The following TRAPPC9 variants were observed in gnomAD, a reference collection of about 807,000 sequenced individuals.
TRAPPC9 encodes trafficking protein particle complex subunit 9, also known as IKK2 binding protein.
Under a neutral mutation model 124.0 loss-of-function variants are expected in TRAPPC9, and 83 were observed. That is an observed-to-expected ratio of 0.67 (90% CI 0.56 to 0.80). The LOEUF is 0.80. TRAPPC9 is among the 30% of genes least tolerant of loss of function. The pLI is 0.00. For synonymous variants in TRAPPC9, 638 were observed against 617.5 expected (o/e 1.03, Z -0.49); for missense variants, 1,302 against 1,508.3 (o/e 0.86, Z 2.27).
At position 139,874,269 on chromosome 8, in the gene TRAPPC9, C is replaced by T. The variant is rs567708738; in HGVS notation, c.3055+11610G>A. On this transcript the variant is annotated intron_variant, in intron 21 of 22. Coordinates refer to ENST00000438773, the MANE Select transcript of TRAPPC9 (RefSeq NM_001160372.4). ...AAATCATGTGGAAGAATGACATCTA[C>T]GCCTAGGCTCAAATCTGGCCTTGGA... Among the ~76,000 whole-genome samples the T allele has an allele frequency of 4.6e-5, 7 of 152,370 alleles. No individual in the cohort carries two copies. The South Asian group carries it at 6.2e-4, about 14-fold the overall frequency.
chr8:140,030,466 G>A (rs761316421), intron 17 of TRAPPC9, among the ~76,000 whole-genome samples: 8 of 152,076 alleles, frequency 5.3e-5, no homozygotes, highest in Non-Finnish European at 1.2e-4. Context: ...ATCCTCCTAC[G>A]CTTAAACCTA....
intron 15 of TRAPPC9, chr8:140,262,524 G>C (rs569237521): frequency 3.3e-5 from 5 of 150,908 alleles, no homozygotes; most frequent in African/African-American, 9.9e-5. Context: ...GTATACGGTG[G>C]GGGGGGGCAG....
chr8:139,877,136 C>T (rs576740642), intron 21 of TRAPPC9, among the ~76,000 whole-genome samples: 12 of 152,362 alleles, frequency 7.9e-5, no homozygotes, highest in Non-Finnish European at 8.8e-5. Context: ...TCTGTATTCA[C>T]TGGATGTCTA....
At chr8:140,350,122 G>A (rs1002280201) in intron 9 of TRAPPC9, among the ~76,000 whole-genome samples, 1 of 152,208 alleles carries the variant, frequency 6.6e-6, no homozygotes, top group Admixed American at 6.5e-5. Context: ...AGGAAGACGC[G>A]CCTTTCCAGC....
Position 140,107,001 on chromosome 8 carries a change from G to A in TRAPPC9, c.2557-82922C>T, listed in dbSNP as rs77333681. On this transcript the variant is annotated intron_variant, in intron 17 of 22. Transcript: ENST00000438773. ...AGTTCGGATCCTGAGCTCCATGAGC[G>A]CCAGAAGTCTAAGAACCTCCAGACA... 9.8e-4 allele frequency among the ~76,000 whole-genome samples: 150 copies of A among 152,316 alleles called. 1 individual carries two copies. In the East Asian group the frequency reaches 0.024, roughly 24 times the overall value.
intron 18 of TRAPPC9, among the ~76,000 whole-genome samples, chr8:139,998,725 A>AAAAT (rs571314138): frequency 4.0e-4 from 61 of 152,316 alleles, no homozygotes; most frequent in Non-Finnish European, 7.2e-4. Context: ...CCGTCTCAAA[A>AAAAT]AAATAAATAA....
chr8:140,457,922 GAGGAGGA>G (rs2071751514), upstream of TRAPPC9, among the ~76,000 whole-genome samples: 1 of 140,910 alleles, frequency 7.1e-6, no homozygotes, highest in African/African-American at 2.7e-5. Context: ...GGGGAGGGAG[GAGGAGGA>G]GGGAGGAGGG....
chr8:139,948,949 T>C (rs993110521), intron 19 of TRAPPC9, among the ~76,000 whole-genome samples: 19 of 152,018 alleles, frequency 1.2e-4, no homozygotes, highest in Non-Finnish European at 2.8e-4. Flanking sequence ...GGTGGGCGCC[T>C]GTAATCCCAG....
rs567580943 is a variant in TRAPPC9, at chr8:139,755,321, T to C, written c.3056-23119A>G. Among the ~76,000 whole-genome samples the C allele has an allele frequency of 5.4e-5, 8 of 148,078 alleles. No homozygotes were observed. The South Asian group carries it at 1.7e-3, about 32-fold the overall frequency. ...AGGGATTGGGGATGAGGACAGCAGGTCGCAGGAAGAGCCAGGATTTGGGGT... is the reference window on the plus strand; with the variant it reads ...AGGGATTGGGGATGAGGACAGCAGGCCGCAGGAAGAGCCAGGATTTGGGGT... On this transcript the variant is annotated intron_variant, in intron 21 of 22. Transcript: ENST00000438773.
chr8:140,380,654 C>CAAAAAAAAA (rs563391017), intron 7 of TRAPPC9, among the ~76,000 whole-genome samples: 17 of 48,588 alleles, frequency 3.5e-4, no homozygotes, highest in Non-Finnish European at 6.1e-4. Context: ...GACTCTGTCT[C>CAAAAAAAAA]AAAAAAAAAA....
At chr8:139,866,488 G>A (rs938153827) in intron 21 of TRAPPC9, among the ~76,000 whole-genome samples, 7 of 152,182 alleles carry the variant, frequency 4.6e-5, no homozygotes, top group Non-Finnish European at 1.0e-4. Flanking sequence ...AGGAACCTGT[G>A]GGATCTCTGG....
intron 17 of TRAPPC9, among the ~76,000 whole-genome samples, chr8:140,153,473 C>T (rs1339319327): frequency 6.6e-6 from 1 of 152,090 alleles, no homozygotes; most frequent in East Asian, 1.9e-4. Flanking sequence ...GCTATCAACA[C>T]TCTGTGCACA....
rs188787629 is a variant in TRAPPC9, at chr8:140,217,505, G to A, written c.2556+3954C>T. ...TAACACCAGAAGGGGACACTAGTCA[G>A]GCTCCTTTCCCACGAAAGATTCTAT... is the stretch of plus-strand genomic sequence containing the variant. On this transcript the variant is annotated intron_variant, in intron 17 of 22. Coordinates refer to ENST00000438773, the MANE Select transcript of TRAPPC9 (RefSeq NM_001160372.4). Among the ~76,000 whole-genome samples the A allele has an allele frequency of 2.1e-3, 313 of 152,278 alleles. 1 individual carries two copies. Among genetic ancestry groups the A allele is most frequent in the African/African-American group, 7.3e-3 (305 of 41,542 alleles).
chr8:140,176,919 T>G (rs1402984165), intron 17 of TRAPPC9, among the ~76,000 whole-genome samples: 1 of 152,212 alleles, frequency 6.6e-6, no homozygotes, highest in Non-Finnish European at 1.5e-5. Flanking sequence ...CTGAGCATCT[T>G]TTCATGTTAT....
chr8:140,318,712 C>T (rs2066504526), intron 9 of TRAPPC9, among the ~76,000 whole-genome samples: 1 of 152,214 alleles, frequency 6.6e-6, no homozygotes, highest in Non-Finnish European at 1.5e-5. Flanking sequence ...AATTTCTTCC[C>T]TTTTTACAGG....
intron 9 of TRAPPC9, among the ~76,000 whole-genome samples, chr8:140,341,575 C>A (rs1283908740): frequency 1.3e-5 from 2 of 152,044 alleles, no homozygotes; most frequent in Non-Finnish European, 2.9e-5. Context: ...AAAGGCTGTT[C>A]TCCTCAGTTT....
chr8:140,233,623 C>CACACACACACACACA (rs1554648047), intron 16 of TRAPPC9, among the ~76,000 whole-genome samples: 76 of 90,864 alleles, frequency 8.4e-4, no homozygotes, highest in Admixed American at 1.1e-3. Flanking sequence ...TCTCTCCCCA[C>CACACACACACACACA]CACACACACA....
intron 17 of TRAPPC9, among the ~76,000 whole-genome samples, chr8:140,088,428 T>C (rs73725398): frequency 0.028 from 4,236 of 152,226 alleles, 185 homozygotes; most frequent in African/African-American, 0.095. Flanking sequence ...AATGGAAAAG[T>C]TGTAGCACAG....
chr8:139,799,626 C>T (rs1052417650), intron 21 of TRAPPC9, among the ~76,000 whole-genome samples: 1 of 152,200 alleles, frequency 6.6e-6, no homozygotes, highest in East Asian at 1.9e-4. Flanking sequence ...TCCACATCAC[C>T]CCCCATGAAA....
Sources: allele counts gnomAD v4.1 joint callset (sites outside exome capture counted in the v4.1 genomes callset), GRCh38; gene constraint gnomAD v4.1.1; transcripts MANE v1.5; gene names NCBI Gene and HGNC (gene_info 2026-07-23, HGNC 2026-07-21).